KALRN: variants seen among roughly 807,000 people sequenced by gnomAD.
KALRN encodes kalirin.
A neutral mutation model predicts 353.7 loss-of-function variants in KALRN; 70 were observed. The observed-to-expected ratio is 0.20, with a 90% CI of 0.16 to 0.24. KALRN has a LOEUF of 0.24. Among genes scored for constraint, KALRN ranks in the 10% least tolerant of loss-of-function variants. The pLI is 1.00. For missense variants in KALRN, 2,791 were observed against 3,756.7 expected (o/e 0.74, Z 6.72); for synonymous variants, 1,391 against 1,434.8 (o/e 0.97, Z 0.69).
chr3:124,463,192 AAACAGCATGTTCC>A (rs2060010581), intron 25 of KALRN, among the ~76,000 whole-genome samples: 1 of 152,230 alleles, frequency 6.6e-6, no homozygotes, highest in African/African-American at 2.4e-5. Context: ...ACACCATACA[AAACAGCATGTTCC>A]ATGGTTAACA....
At chr3:124,306,364 A>T (rs956888198) in intron 6 of KALRN, among the ~76,000 whole-genome samples, 2 of 152,186 alleles carry the variant, frequency 1.3e-5, no homozygotes, top group African/African-American at 4.8e-5. Flanking sequence ...AGAGAGGCTC[A>T]ATGTAGATTT....
chr3:124,285,209 A>T (rs2149077106), intron 5 of KALRN, among the ~76,000 whole-genome samples: 1 of 152,312 alleles, frequency 6.6e-6, no homozygotes, highest in Non-Finnish European at 1.5e-5. Context: ...TCTGGGGTGA[A>T]CTGGATGTTA....
intron 14 of KALRN, among the ~76,000 whole-genome samples, chr3:124,421,109 T>C (rs1270381266): frequency 1.3e-5 from 2 of 152,154 alleles, no homozygotes; most frequent in Non-Finnish European, 2.9e-5. Flanking sequence ...GGGTCTAGAT[T>C]GTTGGATGAG....
At chr3:124,580,596 C>T (rs2074533679) in intron 34 of KALRN, among the ~76,000 whole-genome samples, 1 of 152,182 alleles carries the variant, frequency 6.6e-6, no homozygotes, top group South Asian at 2.1e-4. Flanking sequence ...ACCCTCTCAA[C>T]TAATAAACCT....
At chr3:124,234,658 T>C (rs1001656157) in intron 2 of KALRN, among the ~76,000 whole-genome samples, 171 bp from the exon 3 acceptor site, 17 of 152,170 alleles carry the variant, frequency 1.1e-4, no homozygotes, top group African/African-American at 3.9e-4. Context: ...CCCACGGTCA[T>C]ATGTGCTACC....
intron 1 of KALRN, among the ~76,000 whole-genome samples, chr3:124,071,001 T>TG (rs1259181639): frequency 4.6e-5 from 7 of 152,164 alleles, no homozygotes; most frequent in Admixed American, 6.5e-5. Flanking sequence ...TCTTTTTTTT[T>TG]TGTGTGTGTG....
intron 47 of KALRN, among the ~76,000 whole-genome samples, chr3:124,668,119 TC>T: frequency 6.9e-6 from 1 of 143,946 alleles, no homozygotes; most frequent in South Asian, 2.3e-4. Flanking sequence ...TACCACCTCT[TC>T]CTGCCTGTCC....
At chr3:124,232,392 T>G (rs1047230538) in intron 2 of KALRN, among the ~76,000 whole-genome samples, 4 of 152,202 alleles carry the variant, frequency 2.6e-5, no homozygotes, top group Non-Finnish European at 5.9e-5. Flanking sequence ...TCTTGTCTAC[T>G]GTTCCACCCA....
chr3:124,420,612 G>A (rs767419551), intron 14 of KALRN, among the ~76,000 whole-genome samples: 31 of 152,086 alleles, frequency 2.0e-4, no homozygotes, highest in Non-Finnish European at 3.4e-4. Context: ...AGAACAAGCC[G>A]TTCTTTTCTC....
chr3:124,366,203 T>G (rs2084670766), intron 10 of KALRN, among the ~76,000 whole-genome samples: 1 of 152,080 alleles, frequency 6.6e-6, no homozygotes, highest in Non-Finnish European at 1.5e-5. Context: ...GTATTTCTTT[T>G]TTTTTTTAAT....
chr3:124,658,491 G>A lies in KALRN; in HGVS notation c.6097G>A (p.Val2033Ile), dbSNP rs147771207. Residue 2033 changes from valine to isoleucine, a missense_variant, in exon 42 of 60, where the codon GTT (valine) becomes ATT (isoleucine). Physicochemically the swap from Val to Ile is conservative, Grantham distance 29. Transcript: ENST00000682506. ...GAATAAGCCGCGCTCAGAGTACATC[G>A]TTGCTGAGTATGACGCCTACTTTGA... ...CQNKPRSEYI[V>I]AEYDAYFEEV... 2.5e-4 allele frequency: 411 copies of A among 1,613,976 alleles called. No individual in the cohort carries two copies. Among genetic ancestry groups the A allele is most frequent in the East Asian group, 5.3e-4 (24 of 44,878 alleles).
At chr3:124,669,055 A>G (rs2150342666) in intron 47 of KALRN, among the ~76,000 whole-genome samples, 1 of 152,314 alleles carries the variant, frequency 6.6e-6, no homozygotes, top group South Asian at 2.1e-4. Flanking sequence ...TATGCTAAGC[A>G]TTTTACATGG....
intron 5 of KALRN, among the ~76,000 whole-genome samples, chr3:124,298,569 A>G (rs750370215): frequency 6.6e-6 from 1 of 151,992 alleles, no homozygotes; most frequent in African/African-American, 2.4e-5. Flanking sequence ...AGGCTCTGTA[A>G]TGCAACACAG....
At chr3:124,646,021 T>C (rs1369192138) in intron 37 of KALRN, among the ~76,000 whole-genome samples, 1 of 152,156 alleles carries the variant, frequency 6.6e-6, no homozygotes, top group Admixed American at 6.5e-5. Flanking sequence ...TGTCTGGGAA[T>C]CGGACCCTGA....
intron 21 of KALRN, among the ~76,000 whole-genome samples, chr3:124,448,019 T>A (rs2093896491): frequency 6.6e-6 from 1 of 152,180 alleles, no homozygotes; most frequent in Admixed American, 6.5e-5. Flanking sequence ...TCCGCCCTTC[T>A]CCAAATAGGG....
chr3:124,048,969 CTG>C (rs2040780269), intron 1 of KALRN, among the ~76,000 whole-genome samples: 1 of 152,188 alleles, frequency 6.6e-6, no homozygotes, highest in African/African-American at 2.4e-5. Context: ...TCAAAGGTGA[CTG>C]TAGGACAACT....
chr3:124,336,392 C>T (rs909870470), intron 9 of KALRN, among the ~76,000 whole-genome samples: 1 of 152,108 alleles, frequency 6.6e-6, no homozygotes, highest in Non-Finnish European at 1.5e-5. Flanking sequence ...AGTGAGGTAC[C>T]AGCCTCTGAA....
chr3:124,623,237 G>A (rs554835974), intron 34 of KALRN, among the ~76,000 whole-genome samples: 32 of 151,392 alleles, frequency 2.1e-4, no homozygotes, highest in Non-Finnish European at 1.2e-4. Flanking sequence ...CTCCTGCCTC[G>A]GATTGCTGGG....
rs1274912240 is a variant in KALRN, at chr3:124,456,695, A to G, written c.3821A>G (p.Asn1274Ser). The G allele has an allele frequency of 1.9e-5, 30 of 1,612,908 alleles. No individual in the cohort carries two copies. Among genetic ancestry groups the G allele is most frequent in the African/African-American group, 2.7e-5 (2 of 74,888 alleles). Residue 1274 changes from asparagine to serine, a missense_variant, in exon 23 of 60, where the codon AAT becomes AGT. By Grantham distance (46) the Asn-to-Ser change is conservative. Coordinates refer to ENST00000682506, the MANE Select transcript of KALRN (RefSeq NM_001388419.1). ...CTGCGGGACGCCAACCACGAAGTCA[A>G]TGAAGAGAAGCGGAAGTCAGCCCGG... ...VKLRDANHEV[N>S]EEKRKSARKK... is the part of the protein sequence containing the mutation.
Sources: allele counts gnomAD v4.1 joint callset (sites outside exome capture counted in the v4.1 genomes callset), GRCh38; gene constraint gnomAD v4.1.1; transcripts MANE v1.5; gene names NCBI Gene and HGNC (gene_info 2026-07-23, HGNC 2026-07-21).